ASH1L: variants seen among roughly 807,000 people sequenced by gnomAD.
The protein encoded by ASH1L is ASH1 like histone lysine methyltransferase.
A neutral mutation model predicts 269.0 loss-of-function variants in ASH1L; 23 were observed. The observed-to-expected ratio is 0.09, with a 90% CI of 0.06 to 0.12. The LOEUF (loss-of-function observed/expected upper bound fraction) is 0.12, where lower values mean the gene tolerates loss of function less well. ASH1L is among the 10% of genes least tolerant of loss of function. The pLI is 1.00. For synonymous variants in ASH1L, 1,187 were observed against 1,253.5 expected, an observed-to-expected ratio of 0.95 and a Z score of 1.12; for missense variants, 2,912 against 3,567.8, an observed-to-expected ratio of 0.82 and a Z score of 4.68.
intron 2 of ASH1L, among the ~76,000 whole-genome samples, chr1:155,497,812 C>T (rs1319317923): frequency 2.0e-5 from 3 of 151,454 alleles, no homozygotes; most frequent in Admixed American, 6.6e-5. Flanking sequence ...TGCCGTGGCA[C>T]GATCTCGGCT....
At chr1:155,491,780 G>A (rs1337947454) in intron 2 of ASH1L, among the ~76,000 whole-genome samples, 1 of 150,976 alleles carries the variant, frequency 6.6e-6, no homozygotes. Context: ...AGCAATTCTT[G>A]TGCCTCAGCC....
At chr1:155,373,049 C>G (rs1280391848) in intron 10 of ASH1L, among the ~76,000 whole-genome samples, 1 of 151,840 alleles carries the variant, frequency 6.6e-6, no homozygotes, top group Non-Finnish European at 1.5e-5. Flanking sequence ...CCCATCTCTA[C>G]TAAAAATACA....
intron 6 of ASH1L, among the ~76,000 whole-genome samples, chr1:155,413,176 T>A (rs941093232): frequency 6.6e-6 from 1 of 151,828 alleles, no homozygotes; most frequent in Non-Finnish European, 1.5e-5. Context: ...GAATGTTGAT[T>A]TTTTTTTTCC....
At chr1:155,503,407 T>C (rs1229123682) in intron 2 of ASH1L, among the ~76,000 whole-genome samples, 2 of 152,232 alleles carry the variant, frequency 1.3e-5, no homozygotes, top group Non-Finnish European at 2.9e-5. Flanking sequence ...GCTTGTATAC[T>C]TTGATATGTT....
At chr1:155,494,496 AAC>A (rs1201656609) in intron 2 of ASH1L, among the ~76,000 whole-genome samples, 2 of 152,340 alleles carry the variant, frequency 1.3e-5, no homozygotes, top group Middle Eastern at 3.4e-3. Flanking sequence ...GTAAAGAAAA[AAC>A]ACAAAAAACT....
intron 15 of ASH1L, among the ~76,000 whole-genome samples, chr1:155,356,145 C>T (rs998443894): frequency 6.6e-6 from 1 of 151,822 alleles, no homozygotes; most frequent in African/African-American, 2.4e-5. Context: ...CCATGTTGGC[C>T]AGGCTGGCCT....
intron 1 of ASH1L, among the ~76,000 whole-genome samples, chr1:155,552,209 G>A (rs1418585608): frequency 6.6e-6 from 1 of 152,144 alleles, no homozygotes; most frequent in Non-Finnish European, 1.5e-5. Context: ...GCTCACGCCT[G>A]TAATCCCAGC....
At chr1:155,371,027 TA>T in intron 10 of ASH1L, 44 bp from the exon 11 acceptor site, 1 of 1,524,078 alleles carries the variant, frequency 6.6e-7, no homozygotes, top group East Asian at 2.3e-5. Flanking sequence ...ACATGATACA[TA>T]CCTTGATGCA....
chr1:155,336,565 G>A lies in ASH1L; in HGVS notation c.*1095C>T, dbSNP rs1267266967. On this transcript the variant is annotated 3_prime_UTR_variant, in exon 28 of 28. Coordinates refer to ENST00000392403, the MANE Select transcript of ASH1L (RefSeq NM_018489.3). ...TGTTAACTTCTGGTCAAGAGAGTAG[G>A]AAGGAAGGAGACACCCTGGATATAC... 7.2e-5 allele frequency: 11 copies of A among 152,616 alleles called. No homozygotes were observed. The Admixed American group carries it at 7.2e-4, about 10-fold the overall frequency. The allele number at this position is 152,616 out of a possible 1,614,324, so 9.5% of individuals were successfully genotyped here. A position where few individuals can be genotyped will look rare whatever the true frequency, so the allele number is the denominator to read the frequency against.
At chr1:155,563,023 C>A (rs1462567763), upstream of ASH1L, 5 of 458,492 alleles carry the variant, frequency 1.1e-5, no homozygotes, top group African/African-American at 4.0e-5. Flanking sequence ...CGGGGCTTGC[C>A]GTTTGACTGG....
intron 1 of ASH1L, among the ~76,000 whole-genome samples, chr1:155,544,867 A>T (rs1230371542): frequency 6.6e-6 from 1 of 152,014 alleles, no homozygotes; most frequent in Non-Finnish European, 1.5e-5. Context: ...ATAGTCAGGG[A>T]GGTGTGAATA....
chr1:155,473,492 A>ATTTTT (rs774259211), intron 3 of ASH1L, among the ~76,000 whole-genome samples: 30 of 127,724 alleles, frequency 2.3e-4, no homozygotes, highest in African/African-American at 8.6e-4. Context: ...TAGTATTTCT[A>ATTTTT]TTTTTTTTTT....
chr1:155,401,547 C>A, intron 6 of ASH1L, among the ~76,000 whole-genome samples: 1 of 151,220 alleles, frequency 6.6e-6, no homozygotes, highest in East Asian at 1.9e-4. Context: ...ACTGGAAGGC[C>A]AAGGTGGGTG....
intron 10 of ASH1L, among the ~76,000 whole-genome samples, chr1:155,376,023 G>C (rs1656406010): frequency 6.6e-6 from 1 of 152,162 alleles, no homozygotes; most frequent in Non-Finnish European, 1.5e-5. Flanking sequence ...AGGATTGCTT[G>C]AGTCCGGAAG....
intron 10 of ASH1L, among the ~76,000 whole-genome samples, chr1:155,371,499 G>A (rs1056399384): frequency 6.6e-6 from 1 of 152,230 alleles, no homozygotes; most frequent in Middle Eastern, 3.4e-3. Flanking sequence ...AGTAAGCAGA[G>A]ATCGCACCAC....
chr1:155,388,861 C>T (rs1657663861), intron 7 of ASH1L, among the ~76,000 whole-genome samples: 1 of 149,766 alleles, frequency 6.7e-6, no homozygotes, highest in Admixed American at 6.7e-5. Flanking sequence ...GCATGTACCA[C>T]CGCACCCAGC....
chr1:155,504,733 A>G (rs1667707146), intron 2 of ASH1L, among the ~76,000 whole-genome samples: 1 of 152,060 alleles, frequency 6.6e-6, no homozygotes, highest in Admixed American at 6.6e-5. Context: ...ACACAACTGT[A>G]ATCCCAGCTA....
chr1:155,476,916 A>C (rs1202688698), intron 3 of ASH1L, among the ~76,000 whole-genome samples: 9 of 152,028 alleles, frequency 5.9e-5, no homozygotes, highest in Non-Finnish European at 1.0e-4. Context: ...CATGCTTACT[A>C]TGTGATTACT....
At chr1:155,476,334 C>T (rs560102683) in intron 3 of ASH1L, among the ~76,000 whole-genome samples, 71 of 151,514 alleles carry the variant, frequency 4.7e-4, no homozygotes, top group Non-Finnish European at 9.1e-4. Flanking sequence ...TGCAGTGAGC[C>T]GAGATTGCAC....
Sources: allele counts gnomAD v4.1 joint callset (sites outside exome capture counted in the v4.1 genomes callset), GRCh38; gene constraint gnomAD v4.1.1; transcripts MANE v1.5; gene names NCBI Gene and HGNC (gene_info 2026-07-23, HGNC 2026-07-21).